Variants in SH3RF3 observed in about 807,000 individuals in gnomAD.
The protein encoded by SH3RF3 is SH3 domain containing ring finger 3.
Under a neutral mutation model 66.3 loss-of-function variants are expected in SH3RF3, and 29 were observed. That is an observed-to-expected ratio of 0.44 (90% CI 0.33 to 0.60). SH3RF3 has a LOEUF of 0.60. Among genes scored for constraint, SH3RF3 ranks in the 20% least tolerant of loss-of-function variants. SH3RF3 has a pLI of 0.04. For synonymous variants in SH3RF3, 583 were observed against 532.0 expected (o/e 1.10, Z -1.32); for missense variants, 1,194 against 1,190.9 (o/e 1.00, Z -0.04).
At position 109,436,764 on chromosome 2, in the gene SH3RF3, C is replaced by T. The variant is rs1281984508; in HGVS notation, c.1575-129C>T. The T allele has an allele frequency of 1.4e-4, 191 of 1,398,690 alleles. 1 individual carries two copies. In the East Asian group the frequency reaches 4.8e-3, roughly 35 times the overall value. 86.6% of individuals were successfully genotyped at this position (1,398,690 alleles called of 1,614,324 possible). A position where few individuals can be genotyped will look rare whatever the true frequency, so the allele number is the denominator to read the frequency against. ...CCCAGTGACGGGCATTGTTTTAGGA[C>T]CTCGTCCCCAGATCAGTTGGCCTTC... On this transcript the variant is annotated intron_variant, in intron 6 of 9. Transcript: ENST00000309415.
At chr2:109,162,331 C>CA (rs1409528882) in intron 1 of SH3RF3, among the ~76,000 whole-genome samples, 4 of 152,224 alleles carry the variant, frequency 2.6e-5, no homozygotes, top group African/African-American at 9.6e-5. Context: ...GTTGCTCTGA[C>CA]ACGTAAGCCC....
chr2:109,252,422 G>T (rs1680114947), intron 1 of SH3RF3, among the ~76,000 whole-genome samples: 1 of 152,082 alleles, frequency 6.6e-6, no homozygotes, highest in Non-Finnish European at 1.5e-5. Flanking sequence ...GCTTCCTCAG[G>T]CTTGTTTTAT....
chr2:109,348,675 A>T (rs1329242435), intron 2 of SH3RF3, among the ~76,000 whole-genome samples: 1 of 152,094 alleles, frequency 6.6e-6, no homozygotes, highest in Admixed American at 6.5e-5. Flanking sequence ...CGTTTTCTCC[A>T]TGTGTAAACC....
chr2:109,482,292 T>A (rs1479398603), intron 8 of SH3RF3, among the ~76,000 whole-genome samples: 8 of 152,294 alleles, frequency 5.3e-5, no homozygotes, highest in Middle Eastern at 3.4e-3. Context: ...GTAATAATTA[T>A]CATTATATTT....
intron 1 of SH3RF3, among the ~76,000 whole-genome samples, chr2:109,282,670 T>G (rs556606776): frequency 1.3e-5 from 2 of 152,316 alleles, no homozygotes; most frequent in South Asian, 2.1e-4. Flanking sequence ...CTTGGAGCAC[T>G]TCACTTAAAG....
Position 109,308,306 on chromosome 2 carries a change from G to A in SH3RF3, c.574-39368G>A, listed in dbSNP as rs1440559433. 2.5e-5 allele frequency among the ~76,000 whole-genome samples: 3 copies of A among 120,482 alleles called. 1 individual carries two copies. The highest frequency in any genetic ancestry group is 1.6e-4 in the Admixed American group (2 of 12,224). 79.0% of individuals were successfully genotyped at this position (120,482 alleles called of 152,430 possible). ...TCTTGTAAATTTGTTTGAGTTCATT[G>A]TAGATTCTGGATATTAGCCCTTTGT... On this transcript the variant is annotated intron_variant, in intron 1 of 9. Coordinates refer to ENST00000309415, the MANE Select transcript of SH3RF3 (RefSeq NM_001099289.3).
chr2:109,395,056 A>C (rs1468898708), intron 3 of SH3RF3, among the ~76,000 whole-genome samples: 1 of 152,224 alleles, frequency 6.6e-6, no homozygotes, highest in African/African-American at 2.4e-5. Flanking sequence ...GACGTGACTA[A>C]TTGGAGCTTG....
At chr2:109,171,759 T>C (rs1677788733) in intron 1 of SH3RF3, among the ~76,000 whole-genome samples, 1 of 152,258 alleles carries the variant, frequency 6.6e-6, no homozygotes, top group African/African-American at 2.4e-5. Context: ...CCACGCTGGC[T>C]GGCTCCCTGC....
intron 4 of SH3RF3, among the ~76,000 whole-genome samples, chr2:109,400,012 C>T (rs1341741846): frequency 1.3e-5 from 2 of 151,978 alleles, no homozygotes; most frequent in Non-Finnish European, 2.9e-5. Flanking sequence ...GGACAGGCCT[C>T]AGAGCAAGGG....
chr2:109,363,865 C>T (rs1683102188), intron 2 of SH3RF3, among the ~76,000 whole-genome samples: 1 of 151,910 alleles, frequency 6.6e-6, no homozygotes, highest in African/African-American at 2.4e-5. Context: ...GTGTTTTTTC[C>T]CCTCTGACTT....
intron 1 of SH3RF3, 36 bp downstream of exon 1, chr2:109,130,149 G>C: frequency 7.9e-7 from 1 of 1,273,442 alleles, no homozygotes; most frequent in Non-Finnish European, 9.9e-7. Context: ...GCCACGGCAC[G>C]TGGGAGTGTG....
At position 109,504,088 on chromosome 2, in the gene SH3RF3, C is replaced by T. The variant is rs192803940; in HGVS notation, c.*2417C>T. 3 of 152,374 alleles carry T rather than the reference C, an allele frequency of 2.0e-5. No homozygotes were observed. Among genetic ancestry groups the T allele is most frequent in the Admixed American group, 6.5e-5 (1 of 15,308 alleles). 9.4% of individuals were successfully genotyped at this position (152,374 alleles called of 1,614,324 possible). ...CATTTCTGAGTATTTTAAACTCGTT[C>T]AGGCCCTGCAGCCTTCATGATGATG... On this transcript the variant is annotated 3_prime_UTR_variant, in exon 10 of 10. Coordinates refer to ENST00000309415, the MANE Select transcript of SH3RF3 (RefSeq NM_001099289.3).
intron 1 of SH3RF3, among the ~76,000 whole-genome samples, chr2:109,279,735 G>T (rs1243899462): frequency 7.4e-6 from 1 of 135,852 alleles, no homozygotes; most frequent in Non-Finnish European, 1.6e-5. Context: ...AATTCAGTAC[G>T]CTTGGGAGCA....
chr2:109,140,485 A>G (rs1415561069), intron 1 of SH3RF3, among the ~76,000 whole-genome samples: 2 of 151,608 alleles, frequency 1.3e-5, no homozygotes, highest in African/African-American at 4.9e-5. Context: ...GGTTCACACC[A>G]TTCTCCTGTC....
chr2:109,330,458 A>G (rs988041453), intron 1 of SH3RF3, among the ~76,000 whole-genome samples: 2 of 152,282 alleles, frequency 1.3e-5, no homozygotes, highest in Admixed American at 6.5e-5. Context: ...GACTCTAAAT[A>G]AACATTCCAT....
rs914985253 is a variant in SH3RF3, at chr2:109,485,066, G to C, written c.2149-5539G>C. Among the ~76,000 whole-genome samples the C allele has an allele frequency of 3.9e-5, 6 of 152,244 alleles. 1 individual carries two copies. The highest frequency in any genetic ancestry group is 3.3e-4 in the Admixed American group (5 of 15,290). ...TGCAGCGCAGCATGTGCAGGGTTCT[G>C]CAGATTGAGGTTCTCATGGGTTATC... On this transcript the variant is annotated intron_variant, in intron 8 of 9. Coordinates refer to ENST00000309415, the MANE Select transcript of SH3RF3 (RefSeq NM_001099289.3).
At chr2:109,305,440 C>T (rs1467045352) in intron 1 of SH3RF3, among the ~76,000 whole-genome samples, 1 of 152,160 alleles carries the variant, frequency 6.6e-6, no homozygotes, top group African/African-American at 2.4e-5. Context: ...ATTTCCCTGT[C>T]TCCAGCCCAG....
At chr2:109,294,226 G>A (rs1413992400) in intron 1 of SH3RF3, among the ~76,000 whole-genome samples, 1 of 152,120 alleles carries the variant, frequency 6.6e-6, no homozygotes, top group Admixed American at 6.6e-5. Flanking sequence ...GATTTTGCTG[G>A]AGACATGGGG....
At chr2:109,378,720 C>T (rs1352641576) in intron 3 of SH3RF3, among the ~76,000 whole-genome samples, 2 of 152,190 alleles carry the variant, frequency 1.3e-5, no homozygotes, top group African/African-American at 4.8e-5. Context: ...TTCTCTACTG[C>T]TGAGGCTATA....
Sources: allele counts gnomAD v4.1 joint callset (sites outside exome capture counted in the v4.1 genomes callset), GRCh38; gene constraint gnomAD v4.1.1; transcripts MANE v1.5; gene names NCBI Gene and HGNC (gene_info 2026-07-23, HGNC 2026-07-21).